Variants in CNTN4 observed in about 807,000 individuals in gnomAD.
The protein encoded by CNTN4 is contactin-4.
In CNTN4, 77 loss-of-function variants were observed where a neutral mutation model predicts 122.5. The ratio of observed to expected loss-of-function variants is 0.63; its 90% CI spans 0.52 to 0.76. CNTN4 has a LOEUF of 0.76. Among genes scored for constraint, CNTN4 ranks in the 30% least tolerant of loss-of-function variants. The pLI, the probability that CNTN4 is intolerant of heterozygous loss-of-function variation, is 0.00. For synonymous variants in CNTN4, 512 were observed against 447.0 expected, an observed-to-expected ratio of 1.15 and a Z score of -1.83; for missense variants, 1,256 against 1,259.1, an observed-to-expected ratio of 1.00 and a Z score of 0.04.
At chr3:2,180,584 G>A (rs1218631884) in intron 2 of CNTN4, among the ~76,000 whole-genome samples, 1 of 151,992 alleles carries the variant, frequency 6.6e-6, no homozygotes, top group Non-Finnish European at 1.5e-5. Flanking sequence ...GATTTTTAGG[G>A]TTTCTCCTGA....
At chr3:2,963,543 C>T (rs1415905984) in intron 13 of CNTN4, among the ~76,000 whole-genome samples, 3 of 152,168 alleles carry the variant, frequency 2.0e-5, no homozygotes, top group South Asian at 4.1e-4. Context: ...AGGGCCTTTG[C>T]ACTTGATGTT....
chr3:2,798,622 A>G (rs1162787408), intron 6 of CNTN4, among the ~76,000 whole-genome samples: 1 of 152,034 alleles, frequency 6.6e-6, no homozygotes, highest in African/African-American at 2.4e-5. Flanking sequence ...AGATCCTCCC[A>G]CTTCAAACTC....
At chr3:2,262,653 A>G (rs2040883021) in intron 2 of CNTN4, among the ~76,000 whole-genome samples, 2 of 146,012 alleles carry the variant, frequency 1.4e-5, no homozygotes, top group Non-Finnish European at 3.0e-5. Flanking sequence ...GCAAATATGC[A>G]TTTTCCCTCC....
At chr3:2,416,498 A>G (rs2047417516) in intron 3 of CNTN4, among the ~76,000 whole-genome samples, 2 of 152,226 alleles carry the variant, frequency 1.3e-5, no homozygotes, top group African/African-American at 2.4e-5. Context: ...ACACTGAAGT[A>G]GGAGGCTTCC....
At chr3:2,649,993 A>G (rs1449697653) in intron 4 of CNTN4, among the ~76,000 whole-genome samples, 2 of 148,484 alleles carry the variant, frequency 1.3e-5, no homozygotes, top group Admixed American at 6.8e-5. Flanking sequence ...ATCTATAGAT[A>G]GATATTTTAC....
At chr3:2,384,539 T>G (rs1414619744) in intron 3 of CNTN4, among the ~76,000 whole-genome samples, 14 of 152,238 alleles carry the variant, frequency 9.2e-5, no homozygotes. Flanking sequence ...CACAATAGAT[T>G]GGGAAATCAT....
intron 3 of CNTN4, among the ~76,000 whole-genome samples, chr3:2,436,982 T>A (rs943439442): frequency 6.6e-6 from 1 of 152,090 alleles, no homozygotes; most frequent in African/African-American, 2.4e-5. Context: ...ATTTTTCTGA[T>A]CGGTTTTTTT....
In CNTN4 at chr3:2,339,510, A is replaced by T. The variant is rs374442844; in HGVS notation, c.-89+277A>T. On this transcript the variant is annotated intron_variant, in intron 3 of 24. Transcript: ENST00000418658. Reference sequence around the variant, plus strand: ...AATTTGATAATCCAAAAATTTTAGAATTTGTAATCATAGAAAGTGTATATT... The same window carrying T: ...AATTTGATAATCCAAAAATTTTAGATTTTGTAATCATAGAAAGTGTATATT... 1.2e-3 allele frequency among the ~76,000 whole-genome samples: 180 copies of T among 152,298 alleles called. 1 individual carries two copies. Among genetic ancestry groups the T allele is most frequent in the African/African-American group, 4.1e-3 (172 of 41,576 alleles).
intron 4 of CNTN4, among the ~76,000 whole-genome samples, chr3:2,630,066 T>G (rs2150025225): frequency 6.6e-6 from 1 of 152,312 alleles, no homozygotes. Context: ...ATTCATTGGT[T>G]TATGTGTTAT....
At chr3:2,571,880 C>G (rs927019410) in intron 4 of CNTN4, among the ~76,000 whole-genome samples, 1 of 149,498 alleles carries the variant, frequency 6.7e-6, no homozygotes, top group Admixed American at 6.7e-5. Context: ...GGCAATAAAA[C>G]TGATAATATA....
At chr3:2,440,754 G>T (rs1319169553) in intron 3 of CNTN4, among the ~76,000 whole-genome samples, 1 of 149,750 alleles carries the variant, frequency 6.7e-6, no homozygotes, top group Non-Finnish European at 1.5e-5. Context: ...GAATATATGT[G>T]TGAATATATA....
At chr3:3,037,085 G>T in intron 17 of CNTN4, 94 bp from the exon 18 acceptor site, 1 of 1,389,054 alleles carries the variant, frequency 7.2e-7, no homozygotes, top group South Asian at 1.2e-5. Context: ...CAATAATGAT[G>T]AGGATGGATG....
chr3:2,692,389 C>A (rs977621664), intron 4 of CNTN4, among the ~76,000 whole-genome samples: 2 of 152,092 alleles, frequency 1.3e-5, no homozygotes, highest in African/African-American at 4.8e-5. Flanking sequence ...AGCCTACTTT[C>A]TCCTTGATGA....
intron 8 of CNTN4, among the ~76,000 whole-genome samples, chr3:2,875,937 A>G (rs1425396085): frequency 6.6e-6 from 1 of 152,206 alleles, no homozygotes; most frequent in Non-Finnish European, 1.5e-5. Flanking sequence ...ATTCAGGAAA[A>G]CCAGTACCGT....
intron 3 of CNTN4, among the ~76,000 whole-genome samples, chr3:2,419,166 T>C (rs1386779388): frequency 6.6e-6 from 1 of 152,210 alleles, no homozygotes; most frequent in Non-Finnish European, 1.5e-5. Context: ...TATATTCCAA[T>C]TATTGCAAGT....
chr3:3,054,714 A>G (rs996852748), intron 24 of CNTN4, among the ~76,000 whole-genome samples: 2 of 152,194 alleles, frequency 1.3e-5, no homozygotes, highest in East Asian at 3.9e-4. Context: ...ATGGGGGTTT[A>G]GGCACTGGGT....
At position 2,165,293 on chromosome 3, in the gene CNTN4, A is replaced by G. The variant is rs562756600; in HGVS notation, c.-145+64654A>G. ...AGCTGAGATCGCGCCATTGCACTCC[A>G]GCCTGGGTGACAAGAGCAAGACTGC... On this transcript the variant is annotated intron_variant, in intron 2 of 24. Transcript: ENST00000418658. 3.3e-5 allele frequency among the ~76,000 whole-genome samples: 5 copies of G among 152,120 alleles called. No individual in the cohort carries two copies. The East Asian group carries it at 9.7e-4, about 29-fold the overall frequency.
chr3:2,309,876 T>C (rs150822086), intron 2 of CNTN4, among the ~76,000 whole-genome samples: 132 of 152,308 alleles, frequency 8.7e-4, no homozygotes, highest in African/African-American at 3.2e-3. Context: ...AATTCTGGCA[T>C]GCTTGCTTTC....
intron 2 of CNTN4, among the ~76,000 whole-genome samples, chr3:2,178,203 A>G (rs1356370034): frequency 6.6e-6 from 1 of 152,066 alleles, no homozygotes; most frequent in Admixed American, 6.6e-5. Flanking sequence ...CAAGGGCCAG[A>G]GCTGTAACAC....
Sources: gnomAD v4.1 joint callset for allele counts (sites outside exome capture counted in the v4.1 genomes callset) on GRCh38, gnomAD v4.1.1 for gene constraint, MANE v1.5 for transcripts, NCBI Gene and HGNC (gene_info 2026-07-23, HGNC 2026-07-21) for gene names.